The following TEAD4 variants were observed in gnomAD, a reference collection of about 807,000 sequenced individuals.
The protein encoded by TEAD4 is transcriptional enhancer factor TEF-3.
TEAD4 carries 36 observed loss-of-function variants against 52.4 expected under a neutral mutation model. That is an observed-to-expected ratio of 0.69 (90% CI 0.53 to 0.91). The LOEUF (loss-of-function observed/expected upper bound fraction) is 0.91. Among genes scored for constraint, TEAD4 ranks in the 40% least tolerant of loss-of-function variants. The probability of loss-of-function intolerance (pLI) is 0.00; values close to 1 mark genes in which losing one functional copy is unlikely to be tolerated. For missense variants in TEAD4, 508 were observed against 583.9 expected, an observed-to-expected ratio of 0.87 and a Z score of 1.34; for synonymous variants, 220 against 231.0, an observed-to-expected ratio of 0.95 and a Z score of 0.43.
At chr12:3,004,377 A>G (rs2098254181) in intron 3 of TEAD4, among the ~76,000 whole-genome samples, 1 of 152,192 alleles carries the variant, frequency 6.6e-6, no homozygotes. Context: ...GACTGTGAAT[A>G]AGTCATTTCC....
intron 3 of TEAD4, among the ~76,000 whole-genome samples, chr12:2,999,737 G>A (rs935960911): frequency 7.2e-6 from 1 of 139,804 alleles, no homozygotes; most frequent in South Asian, 2.1e-4. Flanking sequence ...GCTCACAGTC[G>A]GCCTAGCCTA....
chr12:3,014,577 C>G (rs1239452706), intron 5 of TEAD4, among the ~76,000 whole-genome samples: 1 of 152,228 alleles, frequency 6.6e-6, no homozygotes, highest in South Asian at 2.1e-4. Context: ...AGGCTGGGTC[C>G]TAGGCCTGGC....
intron 5 of TEAD4, 102 bp downstream of exon 5, chr12:3,012,334 G>A: frequency 3.1e-6 from 4 of 1,309,216 alleles, no homozygotes; most frequent in African/African-American, 1.5e-5. Flanking sequence ...GCAAGTCAGT[G>A]TGCTTTTCTC....
At chr12:2,989,122 G>A (rs978136337) in intron 2 of TEAD4, among the ~76,000 whole-genome samples, 1 of 151,978 alleles carries the variant, frequency 6.6e-6, no homozygotes, top group African/African-American at 2.4e-5. Flanking sequence ...ATGGGAAGTC[G>A]GGAGGCAGTC....
chr12:2,960,273 G>C (rs7135838), intron 2 of TEAD4: 805,274 of 984,842 alleles, frequency 0.82, 332,556 homozygotes, highest in Non-Finnish European at 0.84. Flanking sequence ...AGAACCGAGA[G>C]CATCGGCAAC....
At chr12:2,974,357 T>A (rs1334867898) in intron 2 of TEAD4, among the ~76,000 whole-genome samples, 5 of 152,222 alleles carry the variant, frequency 3.3e-5, no homozygotes, top group Non-Finnish European at 5.9e-5. Flanking sequence ...TTCCTATCCC[T>A]GACCAGGCAG....
At chr12:2,989,573 G>A (rs572146850) in intron 2 of TEAD4, among the ~76,000 whole-genome samples, 56 of 152,062 alleles carry the variant, frequency 3.7e-4, no homozygotes, top group Middle Eastern at 6.8e-3. Context: ...CAAGTAGCTG[G>A]GATGACAGGC....
At chr12:3,019,265 GT>G in intron 8 of TEAD4, 95 bp downstream of exon 8, 1 of 1,394,672 alleles carries the variant, frequency 7.2e-7, no homozygotes, top group Non-Finnish European at 1.0e-6. Flanking sequence ...GCGTGTCCCT[GT>G]TAGATGCTGC....
chr12:2,983,331 G>A (rs1033564777), intron 2 of TEAD4, among the ~76,000 whole-genome samples: 2 of 152,174 alleles, frequency 1.3e-5, no homozygotes, highest in Admixed American at 6.5e-5. Context: ...TCTCCTGCGG[G>A]ACAGCCTTCC....
chr12:3,018,739 C>T (rs954541256), intron 7 of TEAD4, 151 bp downstream of exon 7: 10 of 951,608 alleles, frequency 1.1e-5, no homozygotes, highest in African/African-American at 3.3e-5. Flanking sequence ...GGATTGGGCT[C>T]TTCTACTGTC....
At chr12:3,018,439 C>G in intron 6 of TEAD4, 106 bp from the exon 7 acceptor site, 1 of 1,359,228 alleles carries the variant, frequency 7.4e-7, no homozygotes, top group African/African-American at 1.4e-5. Context: ...CGGGCTCCAG[C>G]CTCTCCTCCC....
At chr12:2,963,342 C>A (rs564094149) in intron 2 of TEAD4, among the ~76,000 whole-genome samples, 1 of 152,364 alleles carries the variant, frequency 6.6e-6, no homozygotes, top group African/African-American at 2.4e-5. Context: ...TGGACCTTGC[C>A]TTTCCTGCAG....
chr12:2,987,619 A>G (rs990473343), intron 2 of TEAD4, among the ~76,000 whole-genome samples: 1 of 151,534 alleles, frequency 6.6e-6, no homozygotes, highest in South Asian at 2.1e-4. Flanking sequence ...TATTTTTAGT[A>G]GAGACGGGGT....
At chr12:3,016,865 G>A (rs564708155) in intron 5 of TEAD4, among the ~76,000 whole-genome samples, 10 of 152,168 alleles carry the variant, frequency 6.6e-5, no homozygotes, top group Non-Finnish European at 1.0e-4. Flanking sequence ...CAGACAGTGG[G>A]TATTTACACT....
Position 3,021,827 on chromosome 12 carries a change from A to T in TEAD4, c.724-17A>T. 6.2e-7 allele frequency: 1 copy of T among 1,612,594 alleles called. No individual in the cohort carries two copies. ...CTGGCCTGTGCTCCGTCTCCCTCAG[A>T]CCCACTCTCTCCACAGTACAACAAG... On this transcript the variant is annotated splice_polypyrimidine_tract_variant and intron_variant, in intron 9 of 12. Transcript: ENST00000359864.
At chr12:2,981,650 A>G (rs1245767098) in intron 2 of TEAD4, among the ~76,000 whole-genome samples, 2 of 152,196 alleles carry the variant, frequency 1.3e-5, no homozygotes, top group Non-Finnish European at 2.9e-5. Flanking sequence ...TTAGTCCAAG[A>G]ACAGGTACTT....
intron 3 of TEAD4, among the ~76,000 whole-genome samples, chr12:3,008,544 T>G (rs1234538343): frequency 6.6e-6 from 1 of 152,152 alleles, no homozygotes; most frequent in Non-Finnish European, 1.5e-5. Context: ...GTGTTGAGCA[T>G]AGACTTGGAG....
intron 10 of TEAD4, among the ~76,000 whole-genome samples, chr12:3,034,819 C>T (rs888991972): frequency 1.3e-5 from 2 of 152,188 alleles, no homozygotes; most frequent in Non-Finnish European, 2.9e-5. Flanking sequence ...ATAGGCCAGA[C>T]GCGGTGGCTC....
At chr12:3,012,344 C>A in intron 5 of TEAD4, 112 bp downstream of exon 5, 1 of 1,236,110 alleles carries the variant, frequency 8.1e-7, no homozygotes, top group Non-Finnish European at 1.1e-6. Context: ...GTGCTTTTCT[C>A]TCTGTTGAGG....
Sources: allele counts gnomAD v4.1 joint callset (sites outside exome capture counted in the v4.1 genomes callset), GRCh38; gene constraint gnomAD v4.1.1; transcripts MANE v1.5; gene names NCBI Gene and HGNC (gene_info 2026-07-23, HGNC 2026-07-21).